Variants in FBN3 observed in about 807,000 individuals in gnomAD.
The protein encoded by FBN3 is fibrillin-3.
In FBN3, 234 loss-of-function variants were observed where a neutral mutation model predicts 330.1. The observed-to-expected ratio is 0.71, with a 90% confidence interval of 0.64 to 0.79. FBN3 has a LOEUF of 0.79. Ranked by LOEUF, FBN3 falls within the 30% of genes least tolerant of loss-of-function variation. The pLI is 0.00. For synonymous variants in FBN3, 1,458 were observed against 1,517.3 expected (o/e 0.96, Z 0.91); for missense variants, 3,606 against 3,886.9 (o/e 0.93, Z 1.92).
At position 8,109,516 on chromosome 19, in the gene FBN3, G is replaced by A. The variant is rs779994860; in HGVS notation, c.4456+115C>T. The A allele has an allele frequency of 5.3e-5, 81 of 1,535,022 alleles. No individual in the cohort carries two copies. Among genetic ancestry groups the A allele is most frequent in the East Asian group, 6.8e-5 (3 of 44,244 alleles). ...CTTGCAGGAGACCAGCAGATGTCCC[G>A]TTTGTCAGGAGCAGGTAGATTTGAA... On this transcript the variant is annotated intron_variant, in intron 35 of 63. Transcript: ENST00000600128. This position sits in a 1 kb window ranked among gnomAD's most constrained non-coding sequence, Gnocchi z 5.2.
intron 41 of FBN3, among the ~76,000 whole-genome samples, chr19:8,099,515 C>T (rs1381945031): frequency 1.3e-5 from 2 of 151,492 alleles, no homozygotes; most frequent in East Asian, 3.9e-4. Flanking sequence ...CTCCTGACCT[C>T]GTGATCCGCC....
chr19:8,144,260 G>T (rs1021996537), intron 6 of FBN3, among the ~76,000 whole-genome samples: 15 of 152,048 alleles, frequency 9.9e-5, no homozygotes, highest in Non-Finnish European at 2.2e-4. Context: ...AATTAGCTGA[G>T]CGTGGGGATG....
At chr19:8,146,910 A>C (rs1246662428) in intron 3 of FBN3, among the ~76,000 whole-genome samples, 194 bp downstream of exon 3, 2 of 152,194 alleles carry the variant, frequency 1.3e-5, no homozygotes, top group Admixed American at 6.5e-5. Flanking sequence ...AGACACAAGG[A>C]GGTTGTAGGG....
Position 8,096,571 on chromosome 19 carries a change from T to TG in FBN3, c.5414-3dup, listed in dbSNP as rs765381705. Reference sequence around the variant, plus strand: ...GGATCTCCCGACACTCATTCCGTCCTGGGGGTGCAGAGAGCATGGTGTTCC... The same window carrying TG: ...GGATCTCCCGACACTCATTCCGTCCTGGGGGGTGCAGAGAGCATGGTGTTCC... On this transcript the variant is annotated splice_polypyrimidine_tract_variant and splice_region_variant and intron_variant, in intron 43 of 63. Transcript: ENST00000600128. The surrounding 1 kb of genome is among the most constrained non-coding windows in gnomAD (Gnocchi z 4.6). 2 of 1,609,196 alleles carry TG rather than the reference T, an allele frequency of 1.2e-6. No individual in the cohort carries two copies. Among genetic ancestry groups the TG allele is most frequent in the Admixed American group, 1.7e-5 (1 of 59,762 alleles).
At chr19:8,093,187 A>G (rs79035109) in intron 47 of FBN3, among the ~76,000 whole-genome samples, 1 of 152,260 alleles carries the variant, frequency 6.6e-6, no homozygotes, top group African/African-American at 2.4e-5. Context: ...AGCTAGCCCA[A>G]ATAGAATAGA....
chr19:8,130,607 A>AGGAAGGAAG (rs1275620168), intron 16 of FBN3, among the ~76,000 whole-genome samples: 1 of 15,140 alleles, frequency 6.6e-5, no homozygotes, highest in Non-Finnish European at 1.3e-4. Context: ...AAAGAAAGAA[A>AGGAAGGAAG]GAAAGAAAGA....
At chr19:8,100,786 A>C (rs2082310894) in intron 41 of FBN3, 115 bp downstream of exon 41, 1 of 704,912 alleles carries the variant, frequency 1.4e-6, no homozygotes, top group Non-Finnish European at 2.5e-6. Context: ...AGCGAGGAGG[A>C]GGGGAGGATG....
intron 54 of FBN3, 134 bp from the exon 55 acceptor site, chr19:8,086,459 A>AT (rs200023603): frequency 2.6e-5 from 7 of 271,726 alleles, no homozygotes; most frequent in Non-Finnish European, 1.3e-5. Context: ...TATTATTATT[A>AT]TTATTATTAT....
Position 8,135,983 on chromosome 19 carries a change from G to A in FBN3, c.1569C>T (p.Ser523=). ...QCVCNAGFEL[S]PDGKNCVDHN... ...CACCCACACAGTTCTTGCCGTCAGG[G>A]CTGAGCTCGAAGCCTGCATTGCAGA... Residue 523 remains serine, a synonymous_variant, in exon 13 of 64, where the codon AGC becomes AGT. Coordinates refer to ENST00000600128, the MANE Select transcript of FBN3 (RefSeq NM_032447.5). 7.7e-7 allele frequency: 1 copy of A among 1,304,440 alleles called. No individual in the cohort carries two copies. The highest frequency in any genetic ancestry group is 1.0e-6 in the Non-Finnish European group (1 of 993,326). 80.8% of individuals were successfully genotyped at this position (1,304,440 alleles called of 1,614,324 possible). A position where few individuals can be genotyped will look rare whatever the true frequency, so the allele number is the denominator to read the frequency against.
At chr19:8,135,936 G>GGGGGGGGGCCCCCCC in intron 13 of FBN3, 25 bp downstream of exon 13, 1 of 668,772 alleles carries the variant, frequency 1.5e-6, no homozygotes, top group African/African-American at 2.0e-5. Flanking sequence ...GGAAGCCCCT[G>GGGGGGGGGCCCCCCC]CCCACCCGCC....
chr19:8,137,486 T>G (rs1444945581), intron 10 of FBN3, among the ~76,000 whole-genome samples: 1 of 151,922 alleles, frequency 6.6e-6, no homozygotes, highest in Non-Finnish European at 1.5e-5. Context: ...GTCCCAGAGA[T>G]GCCCAGACTC....
intron 18 of FBN3, 116 bp downstream of exon 18, chr19:8,128,912 G>C: frequency 8.0e-7 from 1 of 1,255,762 alleles, no homozygotes; most frequent in Non-Finnish European, 1.1e-6. Context: ...TGTGTGAATA[G>C]AGGTAACATG....
intron 62 of FBN3, 59 bp downstream of exon 62, chr19:8,072,998 TGTGTGC>T (rs748313028): frequency 7.0e-5 from 63 of 896,754 alleles, no homozygotes; most frequent in East Asian, 3.4e-4. Flanking sequence ...TGTGTGTGTG[TGTGTGC>T]GTGCGTGCAT....
chr19:8,102,977 A>G, intron 39 of FBN3, 104 bp from the exon 40 acceptor site: 1 of 1,266,394 alleles, frequency 7.9e-7, no homozygotes, highest in Admixed American at 1.8e-5. Context: ...TTTGAAGATT[A>G]CTGGCTTGTC....
intron 30 of FBN3, among the ~76,000 whole-genome samples, chr19:8,114,611 G>C (rs1256266448): frequency 1.3e-5 from 2 of 152,032 alleles, no homozygotes; most frequent in East Asian, 3.8e-4. Context: ...ATATGGCCGT[G>C]TTGTGATGTA....
In FBN3 at chr19:8,123,768, C is replaced by A. The variant is rs540393598; in HGVS notation, c.2956+16G>T. The A allele has an allele frequency of 1.9e-6, 3 of 1,612,498 alleles. No individual in the cohort carries two copies. Among genetic ancestry groups the A allele is most frequent in the Non-Finnish European group, 2.5e-6 (3 of 1,179,484 alleles). The stretch of plus-strand genomic sequence containing the variant: ...TCCCCATCCTTCCAGGGGCCTGACC[C>A]CTTCCCCAACCGCACCTTTATAGAA... On this transcript the variant is annotated intron_variant, in intron 23 of 63. Coordinates refer to ENST00000600128, the MANE Select transcript of FBN3 (RefSeq NM_032447.5).
Position 8,094,468 on chromosome 19 carries a change from C to T in FBN3, c.5883G>A (p.Gln1961=), listed in dbSNP as rs2082167168. 1 of 1,613,562 alleles carries T rather than the reference C, an allele frequency of 6.2e-7. No homozygotes were observed. Among genetic ancestry groups the T allele is most frequent in the African/African-American group, 1.3e-5 (1 of 74,870 alleles). The change falls in exon 47 of 64, where the codon CAG becomes CAA. Residue 1961 remains glutamine, a synonymous_variant. Transcript: ENST00000600128. ...SFRCICPPGF[Q]VQSDHCIDID... ...CACCAATGCAGTGGTCACTCTGCAC[C>T]TGGAAGCCAGGGGGACAGATGCAGC...
chr19:8,138,083 C>T (rs1744529739), intron 10 of FBN3, 58 bp downstream of exon 10: 7 of 1,500,328 alleles, frequency 4.7e-6, no homozygotes, highest in South Asian at 2.7e-5. Flanking sequence ...AGCTCTCTCC[C>T]CAGATCCAGG....
At chr19:8,118,019 CACAG>C (rs1254525095) in intron 26 of FBN3, among the ~76,000 whole-genome samples, 3 of 151,866 alleles carry the variant, frequency 2.0e-5, no homozygotes, top group Admixed American at 1.3e-4. Context: ...CATGTGCACA[CACAG>C]ACACACAAAC....
Sources: allele counts gnomAD v4.1 joint callset (sites outside exome capture counted in the v4.1 genomes callset), GRCh38; gene constraint gnomAD v4.1.1; non-coding constraint Gnocchi (gnomAD v3.1); transcripts MANE v1.5; gene names NCBI Gene and HGNC (gene_info 2026-07-23, HGNC 2026-07-21).